The following ROCK2 variants were observed in gnomAD, a reference collection of about 807,000 sequenced individuals.
ROCK2 encodes the protein Rho associated coiled-coil containing protein kinase 2, also known as rho-associated protein kinase 2.
A neutral mutation model predicts 195.1 loss-of-function variants in ROCK2; 61 were observed. The ratio of observed to expected loss-of-function variants is 0.31; its 90% confidence interval spans 0.25 to 0.39. ROCK2 has a LOEUF of 0.39. Ranked by LOEUF, ROCK2 falls within the 10% of genes least tolerant of loss-of-function variation. The pLI is 1.00. For missense variants in ROCK2, 1,109 were observed against 1,637.4 expected (o/e 0.68, Z 5.57); for synonymous variants, 504 against 545.5 (o/e 0.92, Z 1.06).
intron 4 of ROCK2, 140 bp downstream of exon 4, chr2:11,249,521 G>A (rs1381562824): frequency 6.7e-6 from 4 of 595,498 alleles, no homozygotes; most frequent in Non-Finnish European, 1.1e-5. Flanking sequence ...TTAAACAAAT[G>A]TTTTGAATCA....
chr2:11,288,296 AT>A, intron 1 of ROCK2, among the ~76,000 whole-genome samples: 1 of 152,182 alleles, frequency 6.6e-6, no homozygotes, highest in African/African-American at 2.4e-5. Context: ...GTGAACATGC[AT>A]TAAAACAGAA....
At chr2:11,209,744 G>T (rs1664182947) in intron 18 of ROCK2, among the ~76,000 whole-genome samples, 1 of 152,024 alleles carries the variant, frequency 6.6e-6, no homozygotes, top group Non-Finnish European at 1.5e-5. Context: ...CATAATTAAT[G>T]CTCAACATCT....
chr2:11,250,080 TATTA>T (rs1328139166), intron 3 of ROCK2, among the ~76,000 whole-genome samples: 2 of 152,170 alleles, frequency 1.3e-5, no homozygotes, highest in Admixed American at 6.5e-5. Flanking sequence ...CATTCTCTCA[TATTA>T]ATTAAGCTAA....
At chr2:11,312,240 T>C (rs1383319409) in intron 1 of ROCK2, among the ~76,000 whole-genome samples, 1 of 152,208 alleles carries the variant, frequency 6.6e-6, no homozygotes, top group Non-Finnish European at 1.5e-5. Context: ...TATATTCTTT[T>C]AAACTCTAAG....
Position 11,272,848 on chromosome 2 carries a change from C to T in ROCK2, c.324+13691G>A, listed in dbSNP as rs371980137. Among the ~76,000 whole-genome samples the T allele has an allele frequency of 4.7e-4, 61 of 128,880 alleles. 2 individuals are homozygous for T. In the South Asian group the frequency reaches 0.012, roughly 25 times the overall value. 84.6% of individuals were successfully genotyped at this position (128,880 alleles called of 152,430 possible). A position where few individuals can be genotyped will look rare whatever the true frequency, so the allele number is the denominator to read the frequency against. On this transcript the variant is annotated intron_variant, in intron 3 of 32. Transcript: ENST00000315872. ...TGGTGCCACTGCACTCCAGCCTGGG[C>T]GACAGAGCAAGACTCTGTCTCAAAA...
Position 11,192,227 on chromosome 2 carries a change from A to G in ROCK2, c.4084T>C (p.Ser1362Pro), listed in dbSNP as rs1266713911. ...TGTATCTTCATTGAAGTTCTAGGAG[A>G]TGATCGGGCAAAAGGGTCTGGAGCT... is the stretch of plus-strand genomic sequence containing the variant. ...PPAPDPFARS[S>P]PRTSMKIQQN... Residue 1362 changes from serine to proline, a missense_variant, in exon 32 of 33, where the codon TCT becomes CCT. By Grantham distance (74) the Ser-to-Pro change is moderately conservative. Coordinates refer to ENST00000315872, the MANE Select transcript of ROCK2 (RefSeq NM_004850.5). The surrounding 1 kb of genome is among the most constrained non-coding windows in gnomAD (Gnocchi z 5.0). 3.7e-6 allele frequency: 6 copies of G among 1,613,456 alleles called. No individual in the cohort carries two copies. Among genetic ancestry groups the G allele is most frequent in the Non-Finnish European group, 5.1e-6 (6 of 1,179,950 alleles).
intron 3 of ROCK2, among the ~76,000 whole-genome samples, chr2:11,285,594 G>A (rs547337952): frequency 2.0e-4 from 31 of 152,180 alleles, no homozygotes; most frequent in African/African-American, 7.0e-4. Context: ...CTGGGAGGCC[G>A]AGCAGGTAGA....
At chr2:11,312,046 A>C (rs947140184) in intron 1 of ROCK2, among the ~76,000 whole-genome samples, 1 of 152,350 alleles carries the variant, frequency 6.6e-6, no homozygotes, top group East Asian at 1.9e-4. Context: ...TTCATACTAA[A>C]GTCAGACACT....
At chr2:11,272,869 C>CAAA (rs34327134) in intron 3 of ROCK2, among the ~76,000 whole-genome samples, 1,325 of 99,184 alleles carry the variant, frequency 0.013, 19 homozygotes, top group East Asian at 0.062. Flanking sequence ...GACTCTGTCT[C>CAAA]AAAAAAAAAA....
At chr2:11,324,896 G>A (rs1668503017) in intron 1 of ROCK2, among the ~76,000 whole-genome samples, 1 of 152,086 alleles carries the variant, frequency 6.6e-6, no homozygotes, top group African/African-American at 2.4e-5. Flanking sequence ...CTATAAAGAA[G>A]TTTTATGCCC....
At chr2:11,253,933 C>A (rs1572313706) in intron 3 of ROCK2, among the ~76,000 whole-genome samples, 1 of 152,170 alleles carries the variant, frequency 6.6e-6, no homozygotes, top group Admixed American at 6.5e-5. Flanking sequence ...ATCAGATACT[C>A]TATAAAATGC....
Position 11,183,168 on chromosome 2 carries a change from C to T in ROCK2, c.*269G>A. On this transcript the variant is annotated 3_prime_UTR_variant, in exon 33 of 33. Transcript: ENST00000315872. ...GTGTGCATTGTAGTGTGAGCGACTG[C>T]CGAGAGAGCTTTATGGAAAAGTCTG... The T allele has an allele frequency of 2.9e-6, 1 of 349,732 alleles. No individual in the cohort carries two copies. The highest frequency in any genetic ancestry group is 5.3e-6 in the Non-Finnish European group (1 of 188,550). The allele number at this position is 349,732 out of a possible 1,614,324, so 21.7% of individuals were successfully genotyped here.
intron 16 of ROCK2, 73 bp from the exon 17 acceptor site, chr2:11,214,536 G>T: frequency 1.2e-6 from 1 of 867,530 alleles, no homozygotes; most frequent in Non-Finnish European, 1.8e-6. Context: ...TAAAAAGTTT[G>T]CAAGCCACCT....
Position 11,207,803 on chromosome 2 carries a change from T to C in ROCK2, c.2472A>G (p.Glu824=). 1.2e-6 allele frequency: 2 copies of C among 1,613,066 alleles called. No individual in the cohort carries two copies. Among genetic ancestry groups the C allele is most frequent in the Non-Finnish European group, 1.7e-6 (2 of 1,179,290 alleles). Residue 824 remains glutamate (E), a synonymous_variant, in exon 20 of 33, where the codon GAA becomes GAG. Transcript: ENST00000315872. ...TQQVNTLKMS[E]KQLKQENNHL... ...GGTTATTTTCTTGCTTTAACTGCTT[T>C]TCTGACATTTTTAGTGTGTTAACCT...
At chr2:11,307,961 G>A (rs1667914573) in intron 1 of ROCK2, 1 of 1,464,744 alleles carries the variant, frequency 6.8e-7, no homozygotes, top group Non-Finnish European at 9.0e-7. Flanking sequence ...GCCTGGGAAG[G>A]ATGGCGCCCT....
chr2:11,236,306 T>A (rs796680597), intron 4 of ROCK2, among the ~76,000 whole-genome samples: 3 of 151,612 alleles, frequency 2.0e-5, no homozygotes, highest in African/African-American at 2.4e-5. Flanking sequence ...CACTATAATT[T>A]AAAAAAAACA....
rs1383403339 is a variant in ROCK2 at position 11,235,658 on chromosome 2, C to A, written c.723+44G>T. The A allele has an allele frequency of 6.5e-7, 1 of 1,544,914 alleles. No individual in the cohort carries two copies. The highest frequency in any genetic ancestry group is 8.7e-7 in the Non-Finnish European group (1 of 1,145,452). On this transcript the variant is annotated intron_variant, in intron 5 of 32. Transcript: ENST00000315872. This position sits in a 1 kb window ranked among gnomAD's most constrained non-coding sequence, Gnocchi z 4.2. ...CTGACTTAAAGTATTTCATTTATTT[C>A]TGTCCCTCAAAACACTATCGTTTTA...
chr2:11,180,866 G>C lies in ROCK2; in HGVS notation c.*2571C>G, dbSNP rs747782549. On this transcript the variant is annotated 3_prime_UTR_variant, in exon 33 of 33. Transcript: ENST00000315872. Reference sequence around the variant, plus strand: ...TGAAAGCGGCAATGCGGTAAAAAGCGAATTCTTACCCAAGGTCAGAATTTT... The same window carrying C: ...TGAAAGCGGCAATGCGGTAAAAAGCCAATTCTTACCCAAGGTCAGAATTTT... 9.2e-5 allele frequency: 14 copies of C among 152,136 alleles called. No homozygotes were observed. Among genetic ancestry groups the C allele is most frequent in the African/African-American group, 3.4e-4 (14 of 41,426 alleles). 9.4% of individuals were successfully genotyped at this position (152,136 alleles called of 1,614,324 possible).
chr2:11,240,464 A>G (rs1415431800), intron 4 of ROCK2, among the ~76,000 whole-genome samples: 1 of 152,260 alleles, frequency 6.6e-6, no homozygotes. Context: ...CAAACGTTAC[A>G]ATGTGGATGA....
Sources: allele counts gnomAD v4.1 joint callset (sites outside exome capture counted in the v4.1 genomes callset), GRCh38; gene constraint gnomAD v4.1.1; non-coding constraint Gnocchi (gnomAD v3.1); transcripts MANE v1.5; gene names NCBI Gene and HGNC (gene_info 2026-07-23, HGNC 2026-07-21).